Variants in CNTN1 observed in about 807,000 individuals in gnomAD.
CNTN1 encodes the protein contactin 1, also known as contactin-1.
In CNTN1, 38 loss-of-function variants were observed where a neutral mutation model predicts 126.4. That is an observed-to-expected ratio of 0.30 (90% CI 0.23 to 0.39). The LOEUF is 0.39. CNTN1 is among the 10% of genes least tolerant of loss of function. The probability of loss-of-function intolerance (pLI) is 1.00; values close to 1 mark genes in which losing one functional copy is unlikely to be tolerated. For missense variants in CNTN1, 1,009 were observed against 1,248.4 expected, an observed-to-expected ratio of 0.81 and a Z score of 2.89; for synonymous variants, 413 against 422.6, an observed-to-expected ratio of 0.98 and a Z score of 0.28.
At chr12:40,989,832 G>T (rs1026223945) in intron 16 of CNTN1, among the ~76,000 whole-genome samples, 1 of 152,120 alleles carries the variant, frequency 6.6e-6, no homozygotes, top group African/African-American at 2.4e-5. Flanking sequence ...GGAGACAGAA[G>T]AAGTATATTG....
chr12:40,844,454 C>T (rs1276983354), intron 1 of CNTN1, among the ~76,000 whole-genome samples: 1 of 151,946 alleles, frequency 6.6e-6, no homozygotes, highest in African/African-American at 2.4e-5. Flanking sequence ...GAATGTAGCC[C>T]TCACCTATGA....
At chr12:40,731,371 G>C (rs1592023061) in intron 1 of CNTN1, among the ~76,000 whole-genome samples, 1 of 151,976 alleles carries the variant, frequency 6.6e-6, no homozygotes, top group South Asian at 2.1e-4. Flanking sequence ...AACCATAAAT[G>C]ACTAAAATTG....
At chr12:40,704,603 T>A (rs982826979) in intron 1 of CNTN1, among the ~76,000 whole-genome samples, 1 of 152,216 alleles carries the variant, frequency 6.6e-6, no homozygotes, top group African/African-American at 2.4e-5. Flanking sequence ...TCCCTAGCTA[T>A]GGCTTAGAAT....
chr12:40,930,671 A>C (rs1565974900), intron 7 of CNTN1, among the ~76,000 whole-genome samples: 1 of 151,912 alleles, frequency 6.6e-6, no homozygotes, highest in Non-Finnish European at 1.5e-5. Flanking sequence ...TGCTACATTA[A>C]TATCAGCAAA....
intron 1 of CNTN1, among the ~76,000 whole-genome samples, chr12:40,879,232 T>G (rs1943790813): frequency 6.6e-6 from 1 of 152,170 alleles, no homozygotes; most frequent in African/African-American, 2.4e-5. Flanking sequence ...ACTGTTTCTT[T>G]ATAGAACATT....
rs1451521789 is a variant in CNTN1 at position 40,830,379 on chromosome 12, AT to A, written c.-76-77977del. Among the ~76,000 whole-genome samples, 15 of 152,088 alleles carry A rather than the reference AT, an allele frequency of 9.9e-5. 1 individual carries two copies. Among genetic ancestry groups the A allele is most frequent in the Admixed American group, 9.8e-4 (15 of 15,244 alleles). The stretch of plus-strand genomic sequence containing the variant: ...ATAGTGATTATTATGGCAACATATA[AT>A]CGTATTAGATATAATTGGAAATGGA... On this transcript the variant is annotated intron_variant, in intron 1 of 23. Coordinates refer to ENST00000551295, the MANE Select transcript of CNTN1 (RefSeq NM_001843.4).
intron 1 of CNTN1, among the ~76,000 whole-genome samples, chr12:40,834,744 A>C (rs2136562050): frequency 6.6e-6 from 1 of 152,304 alleles, no homozygotes; most frequent in African/African-American, 2.4e-5. Flanking sequence ...GAACCTGAGG[A>C]AACGACTTTT....
chr12:40,721,540 A>G (rs1190913360), intron 1 of CNTN1, among the ~76,000 whole-genome samples: 1 of 151,346 alleles, frequency 6.6e-6, no homozygotes, highest in Admixed American at 6.6e-5. Flanking sequence ...GGGACATCTT[A>G]CATTAATTAT....
At chr12:40,846,184 G>T (rs1942492399) in intron 1 of CNTN1, among the ~76,000 whole-genome samples, 1 of 152,108 alleles carries the variant, frequency 6.6e-6, no homozygotes, top group South Asian at 2.1e-4. Flanking sequence ...GGCAGGGATT[G>T]GGGTGAGGGT....
intron 15 of CNTN1, chr12:40,971,340 T>C (rs2137045892): frequency 9.7e-7 from 1 of 1,036,154 alleles, no homozygotes; most frequent in East Asian, 2.6e-5. Context: ...ACCTTACCCA[T>C]CAAGGAAATA....
Position 41,033,758 on chromosome 12 carries a change from G to A in CNTN1, c.2980+4539G>A, listed in dbSNP as rs567613039. 3.3e-5 allele frequency among the ~76,000 whole-genome samples: 5 copies of A among 151,994 alleles called. No homozygotes were observed. The East Asian group carries it at 9.6e-4, about 29-fold the overall frequency. ...TGATTAAAAGATAATGATGTCCTGG[G>A]CCGGGTGCAGTGGCTCACGCCTGTA... On this transcript the variant is annotated intron_variant, in intron 23 of 23. Coordinates refer to ENST00000551295, the MANE Select transcript of CNTN1 (RefSeq NM_001843.4).
intron 20 of CNTN1, among the ~76,000 whole-genome samples, chr12:41,023,870 A>G (rs2120806745): frequency 6.6e-6 from 1 of 152,272 alleles, no homozygotes; most frequent in South Asian, 2.1e-4. Context: ...ATTGTTGTTA[A>G]TTGTTTGTTT....
chr12:40,830,791 GTATATATATATATATA>G lies in CNTN1; in HGVS notation c.-76-77537_-76-77522del, dbSNP rs10592423. 4.0e-3 allele frequency among the ~76,000 whole-genome samples: 303 copies of G among 75,824 alleles called. 5 individuals carry two copies. Among genetic ancestry groups the G allele is most frequent in the African/African-American group, 0.013 (255 of 19,276 alleles). The allele number at this position is 75,824 out of a possible 152,430, so 49.7% of individuals were successfully genotyped here. A position where few individuals can be genotyped will look rare whatever the true frequency, so the allele number is the denominator to read the frequency against. ...TTGAGAGAGAGGGAGAAAGTATAGT[GTATATATATATATATA>G]TATATATATATATATATATATATAT... On this transcript the variant is annotated intron_variant, in intron 1 of 23. Coordinates refer to ENST00000551295, the MANE Select transcript of CNTN1 (RefSeq NM_001843.4).
At chr12:40,945,084 A>G in intron 14 of CNTN1, among the ~76,000 whole-genome samples, 1 of 152,056 alleles carries the variant, frequency 6.6e-6, no homozygotes, top group Non-Finnish European at 1.5e-5. Flanking sequence ...TTAGCTTTAG[A>G]AGAGTTGTAA....
At chr12:40,705,697 C>A (rs958316627) in intron 1 of CNTN1, among the ~76,000 whole-genome samples, 1 of 152,044 alleles carries the variant, frequency 6.6e-6, no homozygotes, top group African/African-American at 2.4e-5. Flanking sequence ...ATTGCTATAA[C>A]AAAATACCTG....
intron 16 of CNTN1, among the ~76,000 whole-genome samples, chr12:40,987,087 A>C (rs1947974619): frequency 6.6e-6 from 1 of 152,126 alleles, no homozygotes; most frequent in Non-Finnish European, 1.5e-5. Context: ...TTGTTAGTGT[A>C]CTAGTGAAGT....
At chr12:40,867,311 A>T (rs936592340) in intron 1 of CNTN1, among the ~76,000 whole-genome samples, 3 of 152,140 alleles carry the variant, frequency 2.0e-5, no homozygotes, top group African/African-American at 4.8e-5. Flanking sequence ...CAGGGGAAAG[A>T]AAAATATATC....
chr12:40,806,704 T>G (rs1430285288), intron 1 of CNTN1, among the ~76,000 whole-genome samples: 1 of 152,162 alleles, frequency 6.6e-6, no homozygotes, highest in Non-Finnish European at 1.5e-5. Flanking sequence ...ATATGGCCTC[T>G]GCAGATCTTT....
chr12:41,038,329 C>A (rs534095437), intron 23 of CNTN1, among the ~76,000 whole-genome samples: 1 of 152,036 alleles, frequency 6.6e-6, no homozygotes, highest in Admixed American at 6.6e-5. Flanking sequence ...AGTACACAGA[C>A]TGGGTGGCTT....
Sources: allele counts gnomAD v4.1 joint callset (sites outside exome capture counted in the v4.1 genomes callset), GRCh38; gene constraint gnomAD v4.1.1; transcripts MANE v1.5; gene names NCBI Gene and HGNC (gene_info 2026-07-23, HGNC 2026-07-21).